The following KCNIP4 variants were observed in gnomAD, a reference collection of about 807,000 sequenced individuals.
KCNIP4 encodes the protein potassium voltage-gated channel interacting protein 4.
In KCNIP4, 12 loss-of-function variants were observed where a neutral mutation model predicts 34.0. That is an observed-to-expected ratio of 0.35 (90% CI 0.23 to 0.57). The LOEUF is 0.57. Among genes scored for constraint, KCNIP4 ranks in the 20% least tolerant of loss-of-function variants. The pLI is 0.83. For missense variants in KCNIP4, 238 were observed against 311.7 expected, an observed-to-expected ratio of 0.76 and a Z score of 1.78; for synonymous variants, 124 against 102.2, an observed-to-expected ratio of 1.21 and a Z score of -1.29.
intron 3 of KCNIP4, among the ~76,000 whole-genome samples, chr4:20,775,260 C>A (rs1288387582): frequency 6.6e-6 from 1 of 151,998 alleles, no homozygotes; most frequent in African/African-American, 2.4e-5. Context: ...CTCCTATCTC[C>A]AAAAATTAAA....
chr4:21,467,082 AC>A (rs1730032423), intron 1 of KCNIP4, among the ~76,000 whole-genome samples: 2 of 105,844 alleles, frequency 1.9e-5, no homozygotes, highest in African/African-American at 6.1e-5. Flanking sequence ...AAACACACAC[AC>A]ACACACACAC....
chr4:21,359,484 A>T (rs1718999376), intron 1 of KCNIP4, among the ~76,000 whole-genome samples: 1 of 152,152 alleles, frequency 6.6e-6, no homozygotes, highest in South Asian at 2.1e-4. Flanking sequence ...GCTATCAGGC[A>T]TCATAAACCG....
intron 1 of KCNIP4, among the ~76,000 whole-genome samples, chr4:21,487,294 T>C (rs1306287320): frequency 1.3e-5 from 2 of 152,160 alleles, no homozygotes; most frequent in East Asian, 3.9e-4. Flanking sequence ...TTGTATAATG[T>C]CCTTTAGTTG....
At chr4:21,776,073 G>T (rs112685992) in intron 1 of KCNIP4, among the ~76,000 whole-genome samples, 4,930 of 152,300 alleles carry the variant, frequency 0.032, 270 homozygotes, top group African/African-American at 0.11. Context: ...GGTGGCATGA[G>T]TTTGCAAGTG....
chr4:21,291,927 GAAAGAAAGAAAA>G (rs1560260175), intron 1 of KCNIP4, among the ~76,000 whole-genome samples: 14 of 66,666 alleles, frequency 2.1e-4, no homozygotes, highest in South Asian at 5.3e-4. Flanking sequence ...AAGAAAGAAA[GAAAGAAAGAAAA>G]AAAAAGAAAA....
chr4:21,090,238 A>G (rs1219201879), intron 1 of KCNIP4, among the ~76,000 whole-genome samples: 1 of 152,120 alleles, frequency 6.6e-6, no homozygotes, highest in Non-Finnish European at 1.5e-5. Context: ...GCTTCCACTG[A>G]ACTTTGAGCT....
chr4:21,752,072 C>T (rs1217859180), intron 1 of KCNIP4, among the ~76,000 whole-genome samples: 1 of 152,070 alleles, frequency 6.6e-6, no homozygotes, highest in Admixed American at 6.6e-5. Flanking sequence ...TTCCACAAAG[C>T]TTTGTTCATA....
chr4:20,982,095 G>C (rs1052675085), intron 1 of KCNIP4, among the ~76,000 whole-genome samples: 1 of 152,088 alleles, frequency 6.6e-6, no homozygotes, highest in Admixed American at 6.6e-5. Flanking sequence ...ATCGTTGCCC[G>C]GGGCCTTACA....
chr4:21,752,252 A>G (rs1717198597), intron 1 of KCNIP4, among the ~76,000 whole-genome samples: 1 of 152,144 alleles, frequency 6.6e-6, no homozygotes, highest in Non-Finnish European at 1.5e-5. Flanking sequence ...TTTATAAAAG[A>G]AAAAGGTTTA....
chr4:21,875,449 C>T (rs1726055617), intron 1 of KCNIP4, among the ~76,000 whole-genome samples: 1 of 152,146 alleles, frequency 6.6e-6, no homozygotes, highest in Non-Finnish European at 1.5e-5. Flanking sequence ...AAATGCTTTT[C>T]TACGTTGAAA....
chr4:21,201,793 C>T (rs532369498), intron 1 of KCNIP4, among the ~76,000 whole-genome samples: 80 of 152,324 alleles, frequency 5.3e-4, no homozygotes, highest in African/African-American at 1.7e-3. Flanking sequence ...CCACCACACC[C>T]GGCCCATCAC....
chr4:21,394,913 A>G (rs527896898), intron 1 of KCNIP4, among the ~76,000 whole-genome samples: 1 of 152,176 alleles, frequency 6.6e-6, no homozygotes, highest in South Asian at 2.1e-4. Flanking sequence ...TTACATTTCC[A>G]TTTATTGAAC....
rs114379398 is a variant in KCNIP4, at chr4:21,645,240, T to C, written c.61+303331A>G. 4.7e-3 allele frequency among the ~76,000 whole-genome samples: 717 copies of C among 152,230 alleles called. 4 individuals are homozygous for C. The highest frequency in any genetic ancestry group is 8.7e-3 in the Non-Finnish European group (589 of 68,010). Reference sequence around the variant, plus strand: ...TTGTACCATTATTTCTCCTATGTTATAGATGCGTAAAATGATACAGACAGG... The same window carrying C: ...TTGTACCATTATTTCTCCTATGTTACAGATGCGTAAAATGATACAGACAGG... On this transcript the variant is annotated intron_variant, in intron 1 of 8. Coordinates refer to ENST00000382152, the MANE Select transcript of KCNIP4 (RefSeq NM_025221.6).
rs532800229 is a variant in KCNIP4 at position 21,226,798 on chromosome 4, G to T, written c.62-344089C>A. 7.9e-4 allele frequency among the ~76,000 whole-genome samples: 121 copies of T among 152,258 alleles called. 1 individual carries two copies. In the South Asian group the frequency reaches 9.7e-3, roughly 12 times the overall value. On this transcript the variant is annotated intron_variant, in intron 1 of 8. Coordinates refer to ENST00000382152, the MANE Select transcript of KCNIP4 (RefSeq NM_025221.6). ...ACTGAGGTGTAGTGAAAATTGTTCA[G>T]GGTTTCACAGACAAAACAACTTAAT...
At chr4:21,618,950 A>ATAT (rs1391068552) in intron 1 of KCNIP4, among the ~76,000 whole-genome samples, 1 of 151,742 alleles carries the variant, frequency 6.6e-6, no homozygotes, top group African/African-American at 2.4e-5. Context: ...TATATTTTCT[A>ATAT]TATTATCTCA....
chr4:21,780,594 C>T (rs1168305129), intron 1 of KCNIP4, among the ~76,000 whole-genome samples: 1 of 152,164 alleles, frequency 6.6e-6, no homozygotes, highest in Admixed American at 6.5e-5. Flanking sequence ...TGAGACTGCC[C>T]AGGCTGCTCC....
chr4:21,418,510 A>AC (rs1725164976), intron 1 of KCNIP4, among the ~76,000 whole-genome samples: 1 of 151,836 alleles, frequency 6.6e-6, no homozygotes, highest in Non-Finnish European at 1.5e-5. Context: ...AAAAGAAAAA[A>AC]TAAATAAATA....
At chr4:21,863,712 A>G (rs545946906) in intron 1 of KCNIP4, among the ~76,000 whole-genome samples, 1 of 152,166 alleles carries the variant, frequency 6.6e-6, no homozygotes, top group African/African-American at 2.4e-5. Flanking sequence ...AAAAGGGAAA[A>G]AGAACCTTCA....
chr4:21,104,549 G>C (rs893394240), intron 1 of KCNIP4, among the ~76,000 whole-genome samples: 2 of 152,084 alleles, frequency 1.3e-5, no homozygotes, highest in African/African-American at 4.8e-5. Context: ...TAGGTTGCCT[G>C]TTCACTCTGA....
Sources: gnomAD v4.1 joint callset for allele counts (sites outside exome capture counted in the v4.1 genomes callset) on GRCh38, gnomAD v4.1.1 for gene constraint, MANE v1.5 for transcripts, NCBI Gene and HGNC (gene_info 2026-07-23, HGNC 2026-07-21) for gene names.